The following CRYBG1 variants were observed in gnomAD, a reference collection of about 807,000 sequenced individuals.
The protein encoded by CRYBG1 is crystallin beta-gamma domain containing 1, also known as beta/gamma crystallin domain-containing protein 1.
In CRYBG1, 139 loss-of-function variants were observed where a neutral mutation model predicts 189.2. That is an observed-to-expected ratio of 0.73 (90% CI 0.64 to 0.85). CRYBG1 has a LOEUF of 0.85. Among genes scored for constraint, CRYBG1 ranks in the 40% least tolerant of loss-of-function variants. CRYBG1 has a pLI of 0.00. For missense variants in CRYBG1, 2,611 were observed against 2,675.8 expected (o/e 0.98, Z 0.53); for synonymous variants, 1,023 against 1,017.1 (o/e 1.01, Z -0.11).
chr6:106,515,071 T>C lies in CRYBG1; in HGVS notation c.1922+2032T>C, dbSNP rs550750086. Among the ~76,000 whole-genome samples the C allele has an allele frequency of 3.9e-5, 6 of 152,326 alleles. No homozygotes were observed. In the East Asian group the frequency reaches 1.2e-3, roughly 29 times the overall value. On this transcript the variant is annotated intron_variant, in intron 3 of 21. Coordinates refer to ENST00000633556, the MANE Select transcript of CRYBG1 (RefSeq NM_001371242.2). ...AAGAGTAAGAAAAACTATTTCGTAT[T>C]TCCTGAAAAATGACACTGAAGTAGC...
At chr6:106,530,143 ATTC>A in intron 7 of CRYBG1, 30 bp from the exon 8 acceptor site, 1 of 1,572,952 alleles carries the variant, frequency 6.4e-7, no homozygotes, top group Non-Finnish European at 8.7e-7. Flanking sequence ...ACATGGTGCA[ATTC>A]TTACTATCTA....
intron 2 of CRYBG1, among the ~76,000 whole-genome samples, chr6:106,496,800 A>G (rs913524023): frequency 6.6e-6 from 1 of 152,224 alleles, no homozygotes; most frequent in Non-Finnish European, 1.5e-5. Flanking sequence ...CAAGTGCTGC[A>G]GGTACTAACA....
intron 2 of CRYBG1, among the ~76,000 whole-genome samples, chr6:106,484,600 G>A (rs186946695): frequency 6.6e-6 from 1 of 152,292 alleles, no homozygotes; most frequent in East Asian, 1.9e-4. Context: ...GATTACAGGT[G>A]TGAGCCACAG....
intron 2 of CRYBG1, among the ~76,000 whole-genome samples, chr6:106,494,692 T>A (rs1179589206): frequency 3.3e-5 from 5 of 152,244 alleles, no homozygotes; most frequent in African/African-American, 9.6e-5. Context: ...TATAATTATC[T>A]AATTATATTG....
At chr6:106,394,382 G>T (rs181083189) in intron 1 of CRYBG1, among the ~76,000 whole-genome samples, 430 of 152,250 alleles carry the variant, frequency 2.8e-3, no homozygotes, top group Non-Finnish European at 4.9e-3. Flanking sequence ...TGTATTTTCT[G>T]CGTCATGTTC....
intron 2 of CRYBG1, among the ~76,000 whole-genome samples, chr6:106,479,718 TC>T (rs1391637904): frequency 7.2e-5 from 11 of 152,238 alleles, no homozygotes; most frequent in Admixed American, 6.5e-4. Flanking sequence ...TATTTGTATA[TC>T]TTCTTTGGAG....
At chr6:106,538,751 T>C (rs1774060374) in intron 8 of CRYBG1, among the ~76,000 whole-genome samples, 1 of 151,636 alleles carries the variant, frequency 6.6e-6, no homozygotes, top group Non-Finnish European at 1.5e-5. Flanking sequence ...CAAAACTTAG[T>C]CGGATGTGGT....
intron 1 of CRYBG1, among the ~76,000 whole-genome samples, chr6:106,434,913 T>G (rs1307053854): frequency 6.6e-6 from 1 of 152,264 alleles, no homozygotes; most frequent in African/African-American, 2.4e-5. Context: ...TTTATGGATT[T>G]GTTGAGTTGT....
At chr6:106,530,455 C>T (rs1281885201) in intron 8 of CRYBG1, 140 bp downstream of exon 8, 2 of 770,476 alleles carry the variant, frequency 2.6e-6, no homozygotes, top group African/African-American at 3.5e-5. Context: ...TTTTATAAGG[C>T]ACGTAAAATT....
intron 2 of CRYBG1, among the ~76,000 whole-genome samples, chr6:106,481,123 G>T (rs1435430551): frequency 9.6e-6 from 1 of 104,408 alleles, no homozygotes; most frequent in Admixed American, 1.1e-4. Context: ...ACAGGCGCCC[G>T]CCACCACGCC....
At chr6:106,390,450 A>G (rs1386524030) in intron 1 of CRYBG1, among the ~76,000 whole-genome samples, 7 of 150,694 alleles carry the variant, frequency 4.6e-5, no homozygotes, top group African/African-American at 1.5e-4. Flanking sequence ...TAATTGTGGT[A>G]TATCTTACAT....
At chr6:106,494,775 A>G (rs1355501763) in intron 2 of CRYBG1, among the ~76,000 whole-genome samples, 1 of 152,232 alleles carries the variant, frequency 6.6e-6, no homozygotes, top group Non-Finnish European at 1.5e-5. Flanking sequence ...ATTATGTTGC[A>G]TGCTTGGACA....
At chr6:106,436,139 G>A (rs1771448561) in intron 1 of CRYBG1, among the ~76,000 whole-genome samples, 1 of 151,542 alleles carries the variant, frequency 6.6e-6, no homozygotes, top group African/African-American at 2.4e-5. Context: ...TTTATTAAAT[G>A]TTTTTCTTAT....
intron 1 of CRYBG1, among the ~76,000 whole-genome samples, chr6:106,395,916 A>G (rs144525010): frequency 4.9e-4 from 67 of 135,618 alleles, no homozygotes; most frequent in African/African-American, 1.6e-3. Flanking sequence ...AAATGATAAC[A>G]CTTAGCTGAG....
rs1041345880 is a variant in CRYBG1 at position 106,361,231 on chromosome 6, G to C, written c.173+150G>C. On this transcript the variant is annotated intron_variant, in intron 1 of 21. Coordinates refer to ENST00000633556, the MANE Select transcript of CRYBG1 (RefSeq NM_001371242.2). ...CAGGAGGGTACCCGGGTCCGGAGGG[G>C]AGCGATCGTAGCCGCTGGGGTTGAC... The C allele has an allele frequency of 5.8e-6, 6 of 1,034,410 alleles. No homozygotes were observed. The East Asian group carries it at 1.1e-4, about 20-fold the overall frequency. 64.1% of individuals were successfully genotyped at this position (1,034,410 alleles called of 1,614,324 possible). A position where few individuals can be genotyped will look rare whatever the true frequency, so the allele number is the denominator to read the frequency against.
intron 3 of CRYBG1, among the ~76,000 whole-genome samples, chr6:106,517,423 TATATATACACAC>T (rs1268518286): frequency 2.6e-4 from 31 of 117,724 alleles, no homozygotes; most frequent in Admixed American, 1.1e-3. Flanking sequence ...TATATACACA[TATATATACACAC>T]ACACATATAT....
chr6:106,381,513 A>G (rs937728613), intron 1 of CRYBG1, among the ~76,000 whole-genome samples: 1 of 152,368 alleles, frequency 6.6e-6, no homozygotes, highest in Middle Eastern at 3.4e-3. Context: ...GTTCAGCTAG[A>G]AGCAAACTCT....
intron 1 of CRYBG1, among the ~76,000 whole-genome samples, chr6:106,393,480 T>C (rs1770547910): frequency 6.6e-6 from 1 of 152,214 alleles, no homozygotes; most frequent in South Asian, 2.1e-4. Flanking sequence ...GGGCTTGCAC[T>C]GCAGGGGGCA....
At chr6:106,422,321 G>GTTATTTATTTATTTATTTATTTATTTAT (rs10526546) in intron 1 of CRYBG1, among the ~76,000 whole-genome samples, 28 of 142,462 alleles carry the variant, frequency 2.0e-4, no homozygotes, top group African/African-American at 7.5e-4. Context: ...ATAGGGTTTT[G>GTTATTTATTTATTTATTTATTTATTTAT]TTATTTATTT....
Sources: allele counts gnomAD v4.1 joint callset (sites outside exome capture counted in the v4.1 genomes callset), GRCh38; gene constraint gnomAD v4.1.1; transcripts MANE v1.5; gene names NCBI Gene and HGNC (gene_info 2026-07-23, HGNC 2026-07-21).